The following FAF1 variants were observed in gnomAD, a reference collection of about 807,000 sequenced individuals.
FAF1 encodes FAS-associated factor 1.
Under a neutral mutation model 92.5 loss-of-function variants are expected in FAF1, and 25 were observed. The ratio of observed to expected loss-of-function variants is 0.27; its 90% CI spans 0.20 to 0.38. FAF1 has a LOEUF of 0.38. Ranked by LOEUF, FAF1 falls within the 10% of genes least tolerant of loss-of-function variation. FAF1 has a pLI of 1.00. For missense variants in FAF1, 636 were observed against 793.3 expected, an observed-to-expected ratio of 0.80 and a Z score of 2.38; for synonymous variants, 234 against 273.2, an observed-to-expected ratio of 0.86 and a Z score of 1.42.
rs552470833 is a variant in FAF1 at position 50,913,733 on chromosome 1, T to A, written c.45+46034A>T. 2.6e-5 allele frequency among the ~76,000 whole-genome samples: 4 copies of A among 152,266 alleles called. No homozygotes were observed. The South Asian group carries it at 8.3e-4, about 32-fold the overall frequency. On this transcript the variant is annotated intron_variant, in intron 1 of 18. Coordinates refer to ENST00000396153, the MANE Select transcript of FAF1 (RefSeq NM_007051.3). ...ATTTGTCTATTACTTTCCAAAAGAC[T>A]AAAGATATCGTAAAGATACTAAAAA...
intron 8 of FAF1, among the ~76,000 whole-genome samples, chr1:50,643,430 T>C (rs972241450): frequency 2.0e-5 from 3 of 152,150 alleles, no homozygotes; most frequent in Non-Finnish European, 2.9e-5. Context: ...TATCTTTTAA[T>C]GGGAACTGTT....
intron 1 of FAF1, among the ~76,000 whole-genome samples, chr1:50,943,812 G>A (rs1645153083): frequency 6.6e-6 from 1 of 152,232 alleles, no homozygotes; most frequent in Admixed American, 6.5e-5. Context: ...CTAGGAGGGA[G>A]ATAAGCTAAT....
intron 18 of FAF1, among the ~76,000 whole-genome samples, chr1:50,463,304 T>C (rs2148990482): frequency 6.6e-6 from 1 of 152,268 alleles, no homozygotes. Context: ...TTGTGCCTGG[T>C]TTCCCCTGGA....
chr1:50,810,983 TGCA>T (rs971762545), intron 2 of FAF1, among the ~76,000 whole-genome samples: 4 of 152,068 alleles, frequency 2.6e-5, no homozygotes, highest in African/African-American at 7.2e-5. Flanking sequence ...TGGCAGAGGT[TGCA>T]GAGAGGTGAG....
intron 12 of FAF1, among the ~76,000 whole-genome samples, chr1:50,573,420 C>T (rs941220141): frequency 5.3e-5 from 8 of 151,528 alleles, no homozygotes; most frequent in African/African-American, 1.2e-4. Flanking sequence ...TTTAAATATA[C>T]GTGAGAGTGA....
intron 2 of FAF1, among the ~76,000 whole-genome samples, chr1:50,805,491 A>G (rs1321554864): frequency 6.6e-6 from 1 of 152,194 alleles, no homozygotes; most frequent in African/African-American, 2.4e-5. Flanking sequence ...CAAAAGGGGA[A>G]AATCATGACA....
chr1:50,547,037 C>T (rs920362552), intron 13 of FAF1, among the ~76,000 whole-genome samples: 1 of 151,800 alleles, frequency 6.6e-6, no homozygotes, highest in Non-Finnish European at 1.5e-5. Context: ...TACAGGTAAG[C>T]GCCACCATGC....
intron 13 of FAF1, among the ~76,000 whole-genome samples, 185 bp downstream of exon 13, chr1:50,566,892 G>GT (rs1278988352): frequency 6.6e-6 from 1 of 152,066 alleles, no homozygotes; most frequent in Non-Finnish European, 1.5e-5. Context: ...GTTTTTATAA[G>GT]TTAAGGTACA....
Position 50,567,244 on chromosome 1 carries a change from G to A in FAF1, c.1114-13C>T, listed in dbSNP as rs1192526353. On this transcript the variant is annotated splice_polypyrimidine_tract_variant and intron_variant, in intron 12 of 18. Transcript: ENST00000396153. ...CAAGAAGCTTTCTCTGAAAAGAGGA[G>A]AAAAATCTGATCAATTAAAATATCC... 1 of 1,573,304 alleles carries A rather than the reference G, an allele frequency of 6.4e-7. No homozygotes were observed. The highest frequency in any genetic ancestry group is 8.6e-7 in the Non-Finnish European group (1 of 1,159,260).
chr1:50,441,162 G>T lies in FAF1; in HGVS notation c.*278C>A. ...TTCTATTTAGTGATCACTCACACTT[G>T]AACAATGCATTCGTCATTGAAGGAG... On this transcript the variant is annotated 3_prime_UTR_variant, in exon 19 of 19. Coordinates refer to ENST00000396153, the MANE Select transcript of FAF1 (RefSeq NM_007051.3). The T allele has an allele frequency of 2.9e-6, 1 of 342,486 alleles. No individual in the cohort carries two copies. The highest frequency in any genetic ancestry group is 5.3e-6 in the Non-Finnish European group (1 of 188,246). The allele number at this position is 342,486 out of a possible 1,614,324, so 21.2% of individuals were successfully genotyped here.
At chr1:50,481,167 T>C (rs1028224417) in intron 17 of FAF1, among the ~76,000 whole-genome samples, 1 of 152,188 alleles carries the variant, frequency 6.6e-6, no homozygotes, top group Non-Finnish European at 1.5e-5. Context: ...AAAAAAGTTA[T>C]AGTAAGCTAA....
chr1:50,830,531 G>C (rs1359722328), intron 2 of FAF1, among the ~76,000 whole-genome samples: 1 of 152,202 alleles, frequency 6.6e-6, no homozygotes, highest in Non-Finnish European at 1.5e-5. Context: ...GACCATCTCA[G>C]CAACTAATAC....
At chr1:50,592,736 T>A (rs906757944) in intron 9 of FAF1, among the ~76,000 whole-genome samples, 4 of 152,074 alleles carry the variant, frequency 2.6e-5, no homozygotes, top group Non-Finnish European at 5.9e-5. Context: ...TCACTTGAGG[T>A]AAGGAGCTTA....
intron 1 of FAF1, among the ~76,000 whole-genome samples, chr1:50,954,540 ATTTTT>A (rs199964324): frequency 3.8e-4 from 46 of 120,372 alleles, no homozygotes; most frequent in African/African-American, 1.4e-3. Context: ...AAAAATTTTG[ATTTTT>A]TTTTTTTTTT....
intron 13 of FAF1, among the ~76,000 whole-genome samples, chr1:50,563,517 T>C (rs1016926377): frequency 1.2e-4 from 19 of 152,122 alleles, no homozygotes; most frequent in African/African-American, 4.3e-4. Context: ...GAAATCCAAC[T>C]AGATAAGGTG....
At chr1:50,894,501 T>A (rs1447560202) in intron 1 of FAF1, among the ~76,000 whole-genome samples, 4 of 151,942 alleles carry the variant, frequency 2.6e-5, no homozygotes, top group Non-Finnish European at 5.9e-5. Context: ...TCTACCCCTG[T>A]GGCCAAGCTG....
intron 6 of FAF1, among the ~76,000 whole-genome samples, chr1:50,725,026 C>T (rs1256100543): frequency 2.0e-5 from 3 of 152,126 alleles, no homozygotes; most frequent in African/African-American, 7.2e-5. Flanking sequence ...ATTTAGATTT[C>T]GATTTAGATC....
At chr1:50,480,380 TAC>T (rs1196804035) in intron 17 of FAF1, among the ~76,000 whole-genome samples, 1 of 152,224 alleles carries the variant, frequency 6.6e-6, no homozygotes, top group Non-Finnish European at 1.5e-5. Context: ...CATAAATATA[TAC>T]ACACAAAACA....
At chr1:50,740,535 C>T (rs1659341462) in intron 5 of FAF1, among the ~76,000 whole-genome samples, 1 of 152,010 alleles carries the variant, frequency 6.6e-6, no homozygotes, top group African/African-American at 2.4e-5. Flanking sequence ...TACATAATTA[C>T]CCTTATTATT....
Sources: allele counts gnomAD v4.1 joint callset (sites outside exome capture counted in the v4.1 genomes callset), GRCh38; gene constraint gnomAD v4.1.1; transcripts MANE v1.5; gene names NCBI Gene and HGNC (gene_info 2026-07-23, HGNC 2026-07-21).